Variants in PLD5 observed in about 807,000 individuals in gnomAD.
The protein encoded by PLD5 is inactive phospholipase D5.
A neutral mutation model predicts 61.1 loss-of-function variants in PLD5; 36 were observed. The ratio of observed to expected loss-of-function variants is 0.59; its 90% CI spans 0.45 to 0.78. PLD5 has a LOEUF of 0.78. PLD5 is among the 30% of genes least tolerant of loss of function. PLD5 has a pLI of 0.00. For synonymous variants in PLD5, 243 were observed against 242.8 expected, an observed-to-expected ratio of 1.00 and a Z score of -0.01; for missense variants, 515 against 644.4, an observed-to-expected ratio of 0.80 and a Z score of 2.17.
intron 3 of PLD5, among the ~76,000 whole-genome samples, chr1:242,268,457 C>A (rs1231857529): frequency 6.6e-6 from 1 of 152,160 alleles, no homozygotes; most frequent in Non-Finnish European, 1.5e-5. Context: ...AAATTGATTT[C>A]CACTGTGTTA....
chr1:242,375,041 C>T (rs1303197696), intron 1 of PLD5, among the ~76,000 whole-genome samples: 4 of 152,158 alleles, frequency 2.6e-5, no homozygotes, highest in Admixed American at 2.6e-4. Context: ...TTTACAATGC[C>T]ATTTTGCACA....
chr1:242,292,475 C>T (rs1675423774), intron 2 of PLD5, among the ~76,000 whole-genome samples: 1 of 152,134 alleles, frequency 6.6e-6, no homozygotes, highest in Non-Finnish European at 1.5e-5. Flanking sequence ...CATAACATCG[C>T]CTTCTTCGTA....
intron 1 of PLD5, among the ~76,000 whole-genome samples, chr1:242,366,988 T>C (rs1481546988): frequency 6.6e-6 from 1 of 152,144 alleles, no homozygotes; most frequent in Non-Finnish European, 1.5e-5. Context: ...TAAAACACTC[T>C]GAGCCCATAT....
intron 1 of PLD5, among the ~76,000 whole-genome samples, chr1:242,485,128 C>G (rs1667913188): frequency 1.3e-5 from 2 of 152,256 alleles, no homozygotes; most frequent in Admixed American, 1.3e-4. Flanking sequence ...AAACTGGAAG[C>G]ATTCCCTTTG....
intron 1 of PLD5, among the ~76,000 whole-genome samples, chr1:242,490,124 T>C (rs1668096469): frequency 6.6e-6 from 1 of 152,240 alleles, no homozygotes; most frequent in Non-Finnish European, 1.5e-5. Flanking sequence ...CCATGAGTTC[T>C]GATGCCTCAA....
rs540549240 is a variant in PLD5, at chr1:242,144,287, A to T, written c.736-19622T>A. On this transcript the variant is annotated intron_variant, in intron 5 of 9. Transcript: ENST00000536534. ...TTAAAATATTATTAAACAAACCAAA[A>T]TTTCTGCAGGCTGGGTTGGCCCTCA... Among the ~76,000 whole-genome samples, 333 of 152,012 alleles carry T rather than the reference A, an allele frequency of 2.2e-3. 5 individuals carry two copies. Among genetic ancestry groups the T allele is most frequent in the African/African-American group, 1.6e-3 (67 of 41,400 alleles).
At chr1:242,506,078 C>T (rs2654856) in intron 1 of PLD5, among the ~76,000 whole-genome samples, 47,420 of 151,918 alleles carry the variant, frequency 0.31, 8,816 homozygotes, top group African/African-American at 0.52. Flanking sequence ...CATGTTAGAC[C>T]CATTTGCCAA....
intron 5 of PLD5, among the ~76,000 whole-genome samples, chr1:242,164,031 G>C (rs567963494): frequency 2.0e-5 from 3 of 152,126 alleles, no homozygotes; most frequent in African/African-American, 7.2e-5. Flanking sequence ...TTTTTAGGGA[G>C]TCAATTTTGA....
At chr1:242,498,401 CCTT>C (rs1418979043) in intron 1 of PLD5, among the ~76,000 whole-genome samples, 1 of 152,162 alleles carries the variant, frequency 6.6e-6, no homozygotes, top group Non-Finnish European at 1.5e-5. Context: ...TGGAGTATCT[CCTT>C]CTTCTCATTC....
At chr1:242,494,171 C>G (rs1002698400) in intron 1 of PLD5, among the ~76,000 whole-genome samples, 1 of 142,894 alleles carries the variant, frequency 7.0e-6, no homozygotes, top group Non-Finnish European at 1.5e-5. Context: ...GGTGTCCTTC[C>G]TGACTTTTCT....
At chr1:242,395,674 C>G (rs1663528734) in intron 1 of PLD5, among the ~76,000 whole-genome samples, 4 of 152,150 alleles carry the variant, frequency 2.6e-5, no homozygotes, top group Admixed American at 2.6e-4. Context: ...AAACATAGAA[C>G]ATAAAGAGAT....
At chr1:242,511,266 T>G (rs1668898494) in intron 1 of PLD5, among the ~76,000 whole-genome samples, 2 of 152,244 alleles carry the variant, frequency 1.3e-5, no homozygotes, top group South Asian at 4.1e-4. Context: ...AAGGTTTGAA[T>G]AAATAAGATA....
At chr1:242,508,695 G>A (rs550101548) in intron 1 of PLD5, among the ~76,000 whole-genome samples, 68 of 152,156 alleles carry the variant, frequency 4.5e-4, no homozygotes, top group African/African-American at 1.6e-3. Flanking sequence ...ATCCTGTGAC[G>A]GTTATTCTAA....
At chr1:242,231,814 A>G (rs925435435) in intron 4 of PLD5, among the ~76,000 whole-genome samples, 1 of 152,200 alleles carries the variant, frequency 6.6e-6, no homozygotes, top group East Asian at 1.9e-4. Flanking sequence ...ATTTACTTAT[A>G]AGACAGAGTG....
At chr1:242,506,863 T>C (rs1390936126) in intron 1 of PLD5, among the ~76,000 whole-genome samples, 2 of 152,170 alleles carry the variant, frequency 1.3e-5, no homozygotes, top group Non-Finnish European at 2.9e-5. Flanking sequence ...GCTCAGGCAA[T>C]GCCAGCCTCT....
intron 1 of PLD5, among the ~76,000 whole-genome samples, chr1:242,458,411 C>A (rs1163874245): frequency 6.6e-6 from 1 of 152,226 alleles, no homozygotes; most frequent in African/African-American, 2.4e-5. Flanking sequence ...TGACAACCCT[C>A]CCCTATTATA....
At chr1:242,325,461 G>A (rs1374927416) in intron 2 of PLD5, among the ~76,000 whole-genome samples, 1 of 134,808 alleles carries the variant, frequency 7.4e-6, no homozygotes, top group Non-Finnish European at 1.6e-5. Flanking sequence ...GGGAGAGAGG[G>A]ACAGAGAGAG....
intron 1 of PLD5, among the ~76,000 whole-genome samples, chr1:242,434,186 C>T (rs765690218): frequency 6.6e-6 from 1 of 152,238 alleles, no homozygotes; most frequent in Non-Finnish European, 1.5e-5. Flanking sequence ...GAAGGTGATG[C>T]TGGCATGGAC....
chr1:242,340,952 C>A (rs1659796951), intron 2 of PLD5, among the ~76,000 whole-genome samples: 2 of 151,958 alleles, frequency 1.3e-5, no homozygotes, highest in South Asian at 4.2e-4. Context: ...TGTCTATCAA[C>A]AATACCCTTG....
Sources: allele counts gnomAD v4.1 joint callset (sites outside exome capture counted in the v4.1 genomes callset), GRCh38; gene constraint gnomAD v4.1.1; transcripts MANE v1.5; gene names NCBI Gene and HGNC (gene_info 2026-07-23, HGNC 2026-07-21).